The following CECR2 variants were observed in gnomAD, a reference collection of about 807,000 sequenced individuals.
The protein encoded by CECR2 is chromatin remodeling regulator CECR2.
A neutral mutation model predicts 154.5 loss-of-function variants in CECR2; 30 were observed. That is an observed-to-expected ratio of 0.19 (90% CI 0.15 to 0.26). CECR2 has a LOEUF of 0.26. CECR2 is among the 10% of genes least tolerant of loss of function. CECR2 has a pLI of 1.00. For synonymous variants in CECR2, 725 were observed against 683.7 expected, an observed-to-expected ratio of 1.06 and a Z score of -0.94; for missense variants, 1,743 against 1,829.3, an observed-to-expected ratio of 0.95 and a Z score of 0.86.
At chr22:17,489,351 G>T (rs1302574861) in intron 2 of CECR2, among the ~76,000 whole-genome samples, 1 of 152,200 alleles carries the variant, frequency 6.6e-6, no homozygotes, top group Non-Finnish European at 1.5e-5. Flanking sequence ...GTAATGTGGA[G>T]TGGTTATTCA....
chr22:17,486,138 C>T lies in CECR2; in HGVS notation c.221+8456C>T, dbSNP rs542754332. Among the ~76,000 whole-genome samples, 37 of 152,286 alleles carry T rather than the reference C, an allele frequency of 2.4e-4. 1 individual carries two copies. The South Asian group carries it at 5.8e-3, about 24-fold the overall frequency. ...GAGATGACAGGCAGGCACCACCGTGCCCATCTAAAAGGGTTTTTAAATCCT... is the reference window on the plus strand; with the variant it reads ...GAGATGACAGGCAGGCACCACCGTGTCCATCTAAAAGGGTTTTTAAATCCT... On this transcript the variant is annotated intron_variant, in intron 2 of 18. Transcript: ENST00000262608.
intron 1 of CECR2, among the ~76,000 whole-genome samples, chr22:17,447,260 C>T (rs2054687102): frequency 6.6e-6 from 1 of 151,870 alleles, no homozygotes; most frequent in Admixed American, 6.6e-5. Context: ...TCTCGCCATT[C>T]TCCTGCCTCA....
At chr22:17,422,862 T>C (rs184231705) in intron 1 of CECR2, among the ~76,000 whole-genome samples, 101 of 152,322 alleles carry the variant, frequency 6.6e-4, no homozygotes, top group African/African-American at 2.3e-3. Context: ...TCTTTTCATT[T>C]TTTCTTAGAA....
intron 15 of CECR2, 89 bp downstream of exon 15, chr22:17,542,056 A>C: frequency 6.4e-7 from 1 of 1,569,666 alleles, no homozygotes; most frequent in Non-Finnish European, 8.6e-7. Flanking sequence ...AATGTTGTTC[A>C]TTGCGTCCTT....
At chr22:17,365,478 A>G (rs923559426), upstream of CECR2, among the ~76,000 whole-genome samples, 1 of 152,090 alleles carries the variant, frequency 6.6e-6, no homozygotes, top group African/African-American at 2.4e-5. Context: ...GCGGATCACG[A>G]GGTCAGGAGA....
At chr22:17,489,882 C>CT (rs139768297) in intron 2 of CECR2, among the ~76,000 whole-genome samples, 4,278 of 140,448 alleles carry the variant, frequency 0.03, 84 homozygotes, top group East Asian at 0.12. Flanking sequence ...TTAGCTTGCT[C>CT]TTTTTTTTTT....
intron 8 of CECR2, among the ~76,000 whole-genome samples, chr22:17,517,245 T>C (rs972544432): frequency 6.8e-6 from 1 of 147,826 alleles, no homozygotes; most frequent in Non-Finnish European, 1.5e-5. Context: ...TTTCTGGCTC[T>C]ATCTCTCTTG....
At chr22:17,433,636 G>A (rs1466181488) in intron 1 of CECR2, among the ~76,000 whole-genome samples, 1 of 152,092 alleles carries the variant, frequency 6.6e-6, no homozygotes, top group African/African-American at 2.4e-5. Flanking sequence ...TGTAGAGACA[G>A]GGTTTTTCTG....
At chr22:17,535,317 CAA>C (rs556845647) in intron 9 of CECR2, among the ~76,000 whole-genome samples, 7 of 141,596 alleles carry the variant, frequency 4.9e-5, no homozygotes, top group African/African-American at 1.5e-4. Context: ...GACTCCATCT[CAA>C]AAAAAAAAAA....
chr22:17,447,537 A>C (rs5992714), intron 1 of CECR2, among the ~76,000 whole-genome samples: 45,206 of 151,658 alleles, frequency 0.3, 9,612 homozygotes, highest in African/African-American at 0.57. Context: ...CAGAGCAAGA[A>C]CTTGTCATTC....
At chr22:17,372,354 G>C (rs2063071161) in intron 1 of CECR2, among the ~76,000 whole-genome samples, 1 of 152,104 alleles carries the variant, frequency 6.6e-6, no homozygotes, top group East Asian at 1.9e-4. Context: ...TTATATGTGA[G>C]ATTTAAAAAT....
At chr22:17,430,038 T>C (rs1013496894) in intron 1 of CECR2, among the ~76,000 whole-genome samples, 1 of 152,214 alleles carries the variant, frequency 6.6e-6, no homozygotes. Context: ...ATTCGTTTCC[T>C]ATATGGGGCA....
At chr22:17,370,330 C>G (rs1473333025) in intron 1 of CECR2, among the ~76,000 whole-genome samples, 12 of 141,992 alleles carry the variant, frequency 8.5e-5, no homozygotes, top group Non-Finnish European at 1.2e-4. Context: ...GGGGGGGGGG[C>G]CCGCGCGGGA....
Position 17,531,053 on chromosome 22 carries a change from G to A in CECR2, c.1109-6050G>A, listed in dbSNP as rs568735233. Among the ~76,000 whole-genome samples the A allele has an allele frequency of 3.3e-5, 5 of 152,288 alleles. No homozygotes were observed. The South Asian group carries it at 1.0e-3, about 32-fold the overall frequency. ...GTATGCTCATTTGGGTGATATGTCT[G>A]GGTAACTAGAATGAGATGAAGCCGG... On this transcript the variant is annotated intron_variant, in intron 9 of 18. Coordinates refer to ENST00000262608, the MANE Select transcript of CECR2 (RefSeq NM_001290047.2).
intron 1 of CECR2, among the ~76,000 whole-genome samples, chr22:17,390,780 A>G (rs2063317851): frequency 6.6e-6 from 1 of 152,022 alleles, no homozygotes; most frequent in African/African-American, 2.4e-5. Context: ...CTGACCCAAA[A>G]CCATTTGTTT....
chr22:17,456,400 T>G lies in CECR2; in HGVS notation c.127-21188T>G, dbSNP rs533675741. ...TGAAAAGGCAATATAGAACATTAAA[T>G]TTGTTGGAATCAATTTTGTTTTTCT... On this transcript the variant is annotated intron_variant, in intron 1 of 18. Coordinates refer to ENST00000262608, the MANE Select transcript of CECR2 (RefSeq NM_001290047.2). Among the ~76,000 whole-genome samples, 97 of 152,270 alleles carry G rather than the reference T, an allele frequency of 6.4e-4. No individual in the cohort carries two copies. In the South Asian group the frequency reaches 7.7e-3, roughly 12 times the overall value.
At chr22:17,552,774 G>GTTTTGTTTTTTTTTT (rs1555944494) in intron 18 of CECR2, 61 bp from the exon 19 acceptor site, 2 of 933,464 alleles carry the variant, frequency 2.1e-6, no homozygotes, top group African/African-American at 2.5e-5. Context: ...GCTTACTTAA[G>GTTTTGTTTTTTTTTT]TTTTTTTTTT....
Position 17,542,428 on chromosome 22 carries a change from C to G in CECR2, c.2285C>G (p.Ser762Trp). 2 of 1,613,914 alleles carry G rather than the reference C, an allele frequency of 1.2e-6. No individual in the cohort carries two copies. The highest frequency in any genetic ancestry group is 1.7e-6 in the Non-Finnish European group (2 of 1,179,892). The stretch of plus-strand genomic sequence containing the variant: ...ATTCCTCCCAGCCATATGTATCGAT[C>G]GTACAAGTACCTGAATCGAGTACAC... ...SEIPPSHMYR[S>W]YKYLNRVHSA... Residue 762 changes from serine to tryptophan, a missense_variant, in exon 16 of 19, where the codon TCG becomes TGG. By Grantham distance (177) the Ser-to-Trp change is radical. Around this residue, in one of 4 missense-constraint regions of CECR2, gnomAD observed 1,250 missense variants for 1,192.1 expected, o/e 1.05. Coordinates refer to ENST00000262608, the MANE Select transcript of CECR2 (RefSeq NM_001290047.2).
chr22:17,530,521 A>G (rs1341856870), intron 9 of CECR2, among the ~76,000 whole-genome samples: 1 of 151,898 alleles, frequency 6.6e-6, no homozygotes, highest in Non-Finnish European at 1.5e-5. Flanking sequence ...AAAATACAAA[A>G]AAAAAATTAG....
Sources: gnomAD v4.1 joint callset for allele counts (sites outside exome capture counted in the v4.1 genomes callset) on GRCh38, gnomAD v4.1.1 for gene constraint, gnomAD v4.1.1 regional missense constraint, MANE v1.5 for transcripts, NCBI Gene and HGNC (gene_info 2026-07-23, HGNC 2026-07-21) for gene names.